CDH13: variants seen among roughly 807,000 people sequenced by gnomAD.
CDH13 encodes cadherin-13.
In CDH13, 24 loss-of-function variants were observed where a neutral mutation model predicts 63.8. The ratio of observed to expected loss-of-function variants is 0.38; its 90% CI spans 0.27 to 0.53. The LOEUF (loss-of-function observed/expected upper bound fraction) is 0.53. Among genes scored for constraint, CDH13 ranks in the 20% least tolerant of loss-of-function variants. The pLI is 0.85. For missense variants in CDH13, 1,049 were observed against 903.1 expected (o/e 1.16, Z -2.07); for synonymous variants, 503 against 355.3 (o/e 1.42, Z -4.67).
chr16:82,727,464 C>T (rs370956047), intron 1 of CDH13: 17 of 152,302 alleles, frequency 1.1e-4, no homozygotes, highest in African/African-American at 4.1e-4. Context: ...TCCTTATTCC[C>T]TCTCTACCCA....
At chr16:83,742,410 A>T (rs1912153702) in intron 10 of CDH13, among the ~76,000 whole-genome samples, 1 of 152,122 alleles carries the variant, frequency 6.6e-6, no homozygotes, top group Admixed American at 6.6e-5. Context: ...GGCTGAAATG[A>T]GCTCAGCTTT....
At chr16:82,759,209 A>G (rs2034736137) in intron 1 of CDH13, among the ~76,000 whole-genome samples, 1 of 152,198 alleles carries the variant, frequency 6.6e-6, no homozygotes, top group South Asian at 2.1e-4. Context: ...GGGAGTGAGC[A>G]GAAACCTGAT....
chr16:82,756,440 T>C (rs536647480), intron 1 of CDH13, among the ~76,000 whole-genome samples: 2 of 152,288 alleles, frequency 1.3e-5, no homozygotes, highest in East Asian at 1.9e-4. Flanking sequence ...ATCCTTCTCA[T>C]GTGCAAGCTG....
chr16:83,412,469 A>G (rs2092142107), intron 6 of CDH13, among the ~76,000 whole-genome samples: 1 of 152,202 alleles, frequency 6.6e-6, no homozygotes. Context: ...CTCAAAAAAT[A>G]AAAATAAAAA....
At chr16:83,519,956 T>G (rs184752588) in intron 7 of CDH13, among the ~76,000 whole-genome samples, 3 of 152,250 alleles carry the variant, frequency 2.0e-5, no homozygotes, top group Admixed American at 2.0e-4. Context: ...TGAAAAAATT[T>G]CAGGTAAAAA....
At chr16:82,830,133 A>G (rs1597729604) in intron 1 of CDH13, among the ~76,000 whole-genome samples, 2 of 152,208 alleles carry the variant, frequency 1.3e-5, no homozygotes, top group East Asian at 3.8e-4. Context: ...TGAAAGCTGA[A>G]TGGTGGCAGG....
chr16:83,397,143 C>T (rs1410565068), intron 6 of CDH13, among the ~76,000 whole-genome samples: 1 of 152,138 alleles, frequency 6.6e-6, no homozygotes, highest in Non-Finnish European at 1.5e-5. Context: ...CCGTGGGCAA[C>T]CCCTCCTTCT....
At chr16:83,282,355 C>T (rs982284914) in intron 5 of CDH13, among the ~76,000 whole-genome samples, 1 of 152,120 alleles carries the variant, frequency 6.6e-6, no homozygotes, top group Non-Finnish European at 1.5e-5. Flanking sequence ...CGCAGGGTTG[C>T]CACAAACATT....
intron 2 of CDH13, among the ~76,000 whole-genome samples, chr16:82,969,217 T>G (rs892745409): frequency 6.6e-6 from 1 of 152,196 alleles, no homozygotes; most frequent in African/African-American, 2.4e-5. Context: ...AAGGGCCAGG[T>G]AGGCTTTGTA....
chr16:83,736,649 G>T (rs181515524), intron 10 of CDH13, among the ~76,000 whole-genome samples: 1 of 152,138 alleles, frequency 6.6e-6, no homozygotes, highest in Admixed American at 6.5e-5. Flanking sequence ...AAAATGGGGT[G>T]GGGGAGGGCA....
intron 1 of CDH13, among the ~76,000 whole-genome samples, chr16:82,821,232 C>T (rs1430632961): frequency 1.3e-5 from 2 of 152,166 alleles, no homozygotes; most frequent in Non-Finnish European, 2.9e-5. Context: ...CCCTATAGGA[C>T]CATTGACATG....
chr16:83,147,530 C>A (rs954289028), intron 4 of CDH13, among the ~76,000 whole-genome samples: 1 of 152,236 alleles, frequency 6.6e-6, no homozygotes, highest in East Asian at 1.9e-4. Context: ...TTCCTCCTTT[C>A]ACGACTATCT....
intron 13 of CDH13, among the ~76,000 whole-genome samples, chr16:83,792,061 T>G (rs1403371867): frequency 1.3e-5 from 2 of 152,246 alleles, no homozygotes; most frequent in Non-Finnish European, 2.9e-5. Flanking sequence ...GGCTTTGTCT[T>G]TTCTAGAATG....
chr16:83,274,958 T>C (rs2088939622), intron 5 of CDH13, among the ~76,000 whole-genome samples: 1 of 152,124 alleles, frequency 6.6e-6, no homozygotes, highest in African/African-American at 2.4e-5. Context: ...CCTCTGCCCC[T>C]CTTATTTAAA....
intron 1 of CDH13, among the ~76,000 whole-genome samples, chr16:82,845,729 C>T (rs1035886798): frequency 6.6e-6 from 1 of 152,154 alleles, no homozygotes; most frequent in Non-Finnish European, 1.5e-5. Context: ...TTAAGGGAAA[C>T]AGGTATTATA....
At chr16:83,209,914 G>T (rs2039291343) in intron 4 of CDH13, among the ~76,000 whole-genome samples, 1 of 152,076 alleles carries the variant, frequency 6.6e-6, no homozygotes, top group African/African-American at 2.4e-5. Flanking sequence ...GTGGGGGATG[G>T]CCATCCAGCT....
At chr16:83,180,666 G>T (rs750996520) in intron 4 of CDH13, among the ~76,000 whole-genome samples, 4 of 152,184 alleles carry the variant, frequency 2.6e-5, no homozygotes, top group Admixed American at 2.6e-4. Context: ...GAACTATGCA[G>T]ACTCCCGAAG....
intron 2 of CDH13, among the ~76,000 whole-genome samples, chr16:83,027,810 G>C (rs917261868): frequency 2.6e-5 from 4 of 152,150 alleles, no homozygotes; most frequent in Non-Finnish European, 5.9e-5. Flanking sequence ...CAGTTCGGTA[G>C]ATGCCGCAGG....
At chr16:83,334,240 C>T (rs958175157) in intron 5 of CDH13, among the ~76,000 whole-genome samples, 5 of 151,968 alleles carry the variant, frequency 3.3e-5, no homozygotes, top group African/African-American at 1.2e-4. Flanking sequence ...GCTAGTCTTT[C>T]TGTCTGTCTG....
Sources: allele counts gnomAD v4.1 joint callset (sites outside exome capture counted in the v4.1 genomes callset), GRCh38; gene constraint gnomAD v4.1.1; transcripts MANE v1.5; gene names NCBI Gene and HGNC (gene_info 2026-07-23, HGNC 2026-07-21).